MMP26: variants seen among roughly 807,000 people sequenced by gnomAD.
MMP26 encodes matrix metallopeptidase 26.
Under a neutral mutation model 31.0 loss-of-function variants are expected in MMP26, and 33 were observed. That is an observed-to-expected ratio of 1.06 (90% CI 0.81 to 1.42). The LOEUF is 1.42. Ranked by LOEUF, MMP26 falls within the 40% of genes most tolerant of loss-of-function variation. MMP26 has a pLI of 0.00. For missense variants in MMP26, 347 were observed against 316.1 expected, an observed-to-expected ratio of 1.10 and a Z score of -0.74; for synonymous variants, 122 against 114.9, an observed-to-expected ratio of 1.06 and a Z score of -0.40.
chr11:4,712,218 G>A (rs879670774), intron 1 of MMP26: 2 of 152,162 alleles, frequency 1.3e-5, no homozygotes, highest in East Asian at 1.9e-4. Context: ...GGAGGTACTA[G>A]GGATAAAACA....
chr11:4,781,044 GT>G (rs1200060092), intron 2 of MMP26, among the ~76,000 whole-genome samples: 1 of 152,022 alleles, frequency 6.6e-6, no homozygotes, highest in African/African-American at 2.4e-5. Flanking sequence ...GAGACTATAT[GT>G]TTCCATTTAT....
intron 1 of MMP26, among the ~76,000 whole-genome samples, chr11:4,706,592 AAAAAAAAGAC>A (rs1338692874): frequency 0.027 from 3,632 of 134,354 alleles, 179 homozygotes; most frequent in East Asian, 0.23. Context: ...AAAAAAAAAA[AAAAAAAAGAC>A]AGAAAGAAAG....
chr11:4,709,452 G>A, intron 1 of MMP26: 3 of 344,316 alleles, frequency 8.7e-6, no homozygotes, highest in South Asian at 4.6e-5. Context: ...AGAATAGGAT[G>A]TGGTTCTCTA....
chr11:4,726,089 C>G (rs1378659708), intron 1 of MMP26, among the ~76,000 whole-genome samples: 1 of 152,170 alleles, frequency 6.6e-6, no homozygotes, highest in Non-Finnish European at 1.5e-5. Flanking sequence ...TGTTGGGAGA[C>G]TTTGATGAAC....
chr11:4,825,053 A>G (rs1029259685), intron 2 of MMP26, among the ~76,000 whole-genome samples: 1 of 152,098 alleles, frequency 6.6e-6, no homozygotes, highest in Non-Finnish European at 1.5e-5. Flanking sequence ...CTGATTGGTT[A>G]TTATTTTGGG....
intron 2 of MMP26, chr11:4,821,584 C>T (rs767334812): frequency 7.9e-5 from 127 of 1,613,298 alleles, no homozygotes; most frequent in Middle Eastern, 1.6e-4. Flanking sequence ...CCTCTGTGAA[C>T]GGAGCCTCCA....
intron 1 of MMP26, among the ~76,000 whole-genome samples, chr11:4,758,459 C>T (rs1251769284): frequency 7.5e-6 from 1 of 134,220 alleles, no homozygotes; most frequent in Non-Finnish European, 1.6e-5. Flanking sequence ...AGCTGATCAT[C>T]CATTTGGAAA....
At chr11:4,705,565 C>G (rs1847764145) in intron 1 of MMP26, among the ~76,000 whole-genome samples, 1 of 152,120 alleles carries the variant, frequency 6.6e-6, no homozygotes, top group South Asian at 2.1e-4. Context: ...TAGGCTCTGT[C>G]ATGGAAGAAT....
chr11:4,889,493 A>C (rs1366296308), intron 2 of MMP26: 2 of 152,208 alleles, frequency 1.3e-5, no homozygotes, highest in African/African-American at 2.4e-5. Context: ...CTGTGTATGA[A>C]TAATTAAGAC....
chr11:4,962,969 A>G (rs1215161392), intron 2 of MMP26, among the ~76,000 whole-genome samples: 1 of 152,174 alleles, frequency 6.6e-6, no homozygotes, highest in Admixed American at 6.5e-5. Flanking sequence ...TGCTGTGTAA[A>G]TGTAAGAATT....
intron 1 of MMP26, among the ~76,000 whole-genome samples, chr11:4,730,404 A>C (rs867270565): frequency 2.1e-5 from 3 of 144,952 alleles, no homozygotes; most frequent in Non-Finnish European, 4.5e-5. Flanking sequence ...GTTTCTGGGA[A>C]AGAGAGAGAG....
intron 2 of MMP26, chr11:4,822,358 C>A: frequency 6.8e-7 from 1 of 1,478,238 alleles, no homozygotes; most frequent in Non-Finnish European, 9.0e-7. Context: ...AATTCAGAAG[C>A]ACTCCAAATC....
chr11:4,811,448 A>G (rs1849348802), intron 2 of MMP26, among the ~76,000 whole-genome samples: 1 of 152,184 alleles, frequency 6.6e-6, no homozygotes, highest in African/African-American at 2.4e-5. Context: ...AAATGAGAAC[A>G]TGTGGTATTT....
chr11:4,928,196 A>T (rs1169349924), intron 2 of MMP26, among the ~76,000 whole-genome samples: 1 of 152,060 alleles, frequency 6.6e-6, no homozygotes, highest in Non-Finnish European at 1.5e-5. Flanking sequence ...TTTTACACAG[A>T]TCCTAGTACA....
intron 1 of MMP26, among the ~76,000 whole-genome samples, chr11:4,726,516 G>C (rs906604913): frequency 1.5e-4 from 23 of 151,888 alleles, no homozygotes; most frequent in Admixed American, 1.2e-3. Flanking sequence ...TTTTGACCTT[G>C]ACAGCATTAA....
At chr11:4,882,266 G>A in intron 2 of MMP26, 2 of 1,613,862 alleles carry the variant, frequency 1.2e-6, no homozygotes, top group Non-Finnish European at 1.7e-6. Context: ...CATGGCCTTT[G>A]ACCGCTTCGT....
chr11:4,989,981 G>A (rs918264984), intron 4 of MMP26, 113 bp downstream of exon 4: 42 of 782,314 alleles, frequency 5.4e-5, no homozygotes, highest in African/African-American at 5.0e-4. Context: ...TTGGCAGCCC[G>A]CTCAAAGCCC....
At chr11:4,811,329 G>A (rs1477307316) in intron 2 of MMP26, among the ~76,000 whole-genome samples, 1 of 152,100 alleles carries the variant, frequency 6.6e-6, no homozygotes, top group Non-Finnish European at 1.5e-5. Flanking sequence ...TACTCAATAG[G>A]TAGTTTTTTA....
Position 4,955,132 on chromosome 11 carries a change from G to C in MMP26, c.-144-32936G>C, listed in dbSNP as rs1212565682. Reference sequence around the variant, plus strand: ...AAAAGCCATAGATAACATCAATTCTGTTGTCAGAACAGGCCAACTTCATGA... The same window carrying C: ...AAAAGCCATAGATAACATCAATTCTCTTGTCAGAACAGGCCAACTTCATGA... On this transcript the variant is annotated intron_variant, in intron 2 of 7. Transcript: ENST00000380390. 2.9e-6 allele frequency: 4 copies of C among 1,369,020 alleles called. 1 individual carries two copies. The African/African-American group carries it at 6.1e-5, about 21-fold the overall frequency. 84.8% of individuals were successfully genotyped at this position (1,369,020 alleles called of 1,614,324 possible).
Sources: gnomAD v4.1 joint callset for allele counts (sites outside exome capture counted in the v4.1 genomes callset) on GRCh38, gnomAD v4.1.1 for gene constraint, MANE v1.5 for transcripts, NCBI Gene and HGNC (gene_info 2026-07-23, HGNC 2026-07-21) for gene names.